PCDH9: variants seen among roughly 807,000 people sequenced by gnomAD.
PCDH9 encodes protocadherin-9.
Under a neutral mutation model 70.6 loss-of-function variants are expected in PCDH9, and 24 were observed. That is an observed-to-expected ratio of 0.34 (90% CI 0.25 to 0.48). The LOEUF (loss-of-function observed/expected upper bound fraction) is 0.48, where lower values mean the gene tolerates loss of function less well. PCDH9 is among the 20% of genes least tolerant of loss of function. The probability of loss-of-function intolerance (pLI) is 0.99; values close to 1 mark genes in which losing one functional copy is unlikely to be tolerated. For synonymous variants in PCDH9, 562 were observed against 558.5 expected, an observed-to-expected ratio of 1.01 and a Z score of -0.09; for missense variants, 1,281 against 1,503.6, an observed-to-expected ratio of 0.85 and a Z score of 2.45.
chr13:66,327,102 A>G (rs1193063118), intron 4 of PCDH9, among the ~76,000 whole-genome samples: 1 of 152,206 alleles, frequency 6.6e-6, no homozygotes, highest in African/African-American at 2.4e-5. Flanking sequence ...AAGCCTTAGA[A>G]ATAGCCTTAT....
chr13:67,114,805 T>C (rs940041358), intron 2 of PCDH9, among the ~76,000 whole-genome samples: 1 of 152,212 alleles, frequency 6.6e-6, no homozygotes, highest in African/African-American at 2.4e-5. Flanking sequence ...GAAAATTTGG[T>C]GCTAGATAAA....
intron 4 of PCDH9, among the ~76,000 whole-genome samples, chr13:66,431,230 ATATAAAATG>A (rs1593968400): frequency 6.6e-6 from 1 of 152,242 alleles, no homozygotes; most frequent in African/African-American, 2.4e-5. Context: ...TAATAAAGCT[ATATAAAATG>A]TATAAAATGT....
At chr13:66,834,346 C>T (rs1162428327) in intron 3 of PCDH9, among the ~76,000 whole-genome samples, 6 of 151,694 alleles carry the variant, frequency 4.0e-5, no homozygotes, top group Non-Finnish European at 7.4e-5. Flanking sequence ...TTAGTAGAGA[C>T]GGCCAGGCTG....
intron 4 of PCDH9, among the ~76,000 whole-genome samples, chr13:66,627,875 C>T (rs564541271): frequency 3.6e-4 from 55 of 152,330 alleles, no homozygotes; most frequent in African/African-American, 1.3e-3. Flanking sequence ...CCTCTGCTAT[C>T]TTTTTCCATT....
In PCDH9 at chr13:66,912,514, GAC is replaced by G. The variant is rs34088176; in HGVS notation, c.3037-8911_3037-8910del. Among the ~76,000 whole-genome samples the G allele has an allele frequency of 2.8e-3, 415 of 149,730 alleles. 1 individual carries two copies. The highest frequency in any genetic ancestry group is 9.3e-3 in the African/African-American group (380 of 41,060). On this transcript the variant is annotated intron_variant, in intron 2 of 4. Transcript: ENST00000377865. ...TTTGTGAATTACATTCATAAGTGTGGACACACACACACACACACACATACACA... is the reference window on the plus strand; with the variant it reads ...TTTGTGAATTACATTCATAAGTGTGGACACACACACACACACACATACACA...
rs143472326 is a variant in PCDH9 at position 67,227,643 on chromosome 13, G to T, written c.798C>A (p.Pro266=). 1.5e-5 allele frequency: 24 copies of T among 1,612,432 alleles called. No individual in the cohort carries two copies. The highest frequency in any genetic ancestry group is 2.0e-5 in the Non-Finnish European group (24 of 1,178,482). ...QVEVHIPENA[P]VGTSVIQLHA... ...GGAGCTGAATTACAGAGGTACCTAC[G>T]GGAGCATTCTCTGGAATATGCACCT... The change falls in exon 2 of 5, where the codon CCC becomes CCA. Residue 266 remains proline, a synonymous_variant. Transcript: ENST00000377865. This position sits in a 1 kb window ranked among gnomAD's most constrained non-coding sequence, Gnocchi z 4.6.
At chr13:66,864,531 A>G (rs531498277) in intron 3 of PCDH9, among the ~76,000 whole-genome samples, 6 of 152,326 alleles carry the variant, frequency 3.9e-5, no homozygotes, top group Non-Finnish European at 7.3e-5. Context: ...ATCTCATTAC[A>G]TCACTATCAA....
intron 3 of PCDH9, among the ~76,000 whole-genome samples, chr13:66,662,345 T>C (rs1311751072): frequency 6.6e-6 from 1 of 151,992 alleles, no homozygotes; most frequent in Non-Finnish European, 1.5e-5. Flanking sequence ...TGGTGGCTCA[T>C]GCCTGTAATC....
chr13:66,585,370 AT>A (rs1452913986), intron 4 of PCDH9, among the ~76,000 whole-genome samples: 2 of 152,054 alleles, frequency 1.3e-5, no homozygotes, highest in Non-Finnish European at 2.9e-5. Flanking sequence ...CCCCCAAAAA[AT>A]CTGACGCAAT....
intron 2 of PCDH9, among the ~76,000 whole-genome samples, chr13:67,131,762 A>G (rs1183598983): frequency 1.3e-5 from 2 of 152,144 alleles, no homozygotes; most frequent in East Asian, 3.9e-4. Flanking sequence ...CCACTTTAAC[A>G]CTTTCCTTCA....
At chr13:66,814,511 A>G (rs956866484) in intron 3 of PCDH9, among the ~76,000 whole-genome samples, 1 of 152,160 alleles carries the variant, frequency 6.6e-6, no homozygotes, top group Middle Eastern at 3.4e-3. Context: ...TCAAATTAGT[A>G]TAATAATAGA....
At chr13:66,717,040 T>C (rs1045045339) in intron 3 of PCDH9, among the ~76,000 whole-genome samples, 2 of 152,120 alleles carry the variant, frequency 1.3e-5, no homozygotes, top group African/African-American at 4.8e-5. Context: ...TGATTTTTCA[T>C]GTGTATATTC....
intron 3 of PCDH9, among the ~76,000 whole-genome samples, chr13:66,675,951 C>T (rs2078237218): frequency 1.3e-5 from 2 of 152,048 alleles, no homozygotes. Flanking sequence ...GGTCTATATT[C>T]GTGCATTACA....
At chr13:66,663,224 A>C (rs1015983308) in intron 3 of PCDH9, among the ~76,000 whole-genome samples, 1 of 152,168 alleles carries the variant, frequency 6.6e-6, no homozygotes, top group African/African-American at 2.4e-5. Context: ...TATTTATGAG[A>C]TTGATGTCCT....
intron 2 of PCDH9, among the ~76,000 whole-genome samples, chr13:67,053,854 C>G (rs1158047665): frequency 6.6e-6 from 1 of 152,092 alleles, no homozygotes; most frequent in African/African-American, 2.4e-5. Context: ...TTACTATATA[C>G]CAGATATTGT....
chr13:66,724,292 A>G (rs2078977859), intron 3 of PCDH9, among the ~76,000 whole-genome samples: 1 of 152,186 alleles, frequency 6.6e-6, no homozygotes, highest in African/African-American at 2.4e-5. Context: ...GACAGGTTAA[A>G]TTTGGATCAG....
intron 2 of PCDH9, among the ~76,000 whole-genome samples, chr13:67,199,320 A>G (rs1175739483): frequency 6.6e-6 from 1 of 151,668 alleles, no homozygotes; most frequent in Non-Finnish European, 1.5e-5. Flanking sequence ...TTTTTTTTAT[A>G]AAAATATGCT....
chr13:66,777,896 C>T (rs562932746), intron 3 of PCDH9, among the ~76,000 whole-genome samples: 35 of 151,828 alleles, frequency 2.3e-4, no homozygotes, highest in Admixed American at 5.3e-4. Context: ...TGTCCAACAA[C>T]GATAGACTGG....
At chr13:66,512,025 T>G (rs1368845596) in intron 4 of PCDH9, among the ~76,000 whole-genome samples, 1 of 152,140 alleles carries the variant, frequency 6.6e-6, no homozygotes, top group Non-Finnish European at 1.5e-5. Flanking sequence ...TGTAAAAAAT[T>G]TAGAGATAGG....
Sources: gnomAD v4.1 joint callset for allele counts (sites outside exome capture counted in the v4.1 genomes callset) on GRCh38, gnomAD v4.1.1 for gene constraint, Gnocchi (gnomAD v3.1) non-coding constraint, MANE v1.5 for transcripts, NCBI Gene and HGNC (gene_info 2026-07-23, HGNC 2026-07-21) for gene names.